Variants in HHIP observed in about 807,000 individuals in gnomAD.
HHIP encodes hedgehog interacting protein, also known as hedgehog-interacting protein.
Under a neutral mutation model 74.0 loss-of-function variants are expected in HHIP, and 12 were observed. The ratio of observed to expected loss-of-function variants is 0.16; its 90% CI spans 0.10 to 0.26. HHIP has a LOEUF of 0.26. HHIP is among the 10% of genes least tolerant of loss of function. HHIP has a pLI of 1.00. For missense variants in HHIP, 788 were observed against 845.0 expected (o/e 0.93, Z 0.84); for synonymous variants, 309 against 311.6 (o/e 0.99, Z 0.09).
intron 2 of HHIP, among the ~76,000 whole-genome samples, chr4:144,654,198 C>T (rs1578676145): frequency 6.6e-6 from 1 of 152,106 alleles, no homozygotes; most frequent in South Asian, 2.1e-4. Flanking sequence ...CTTCCAAAAA[C>T]AATAAAATAA....
intron 4 of HHIP, among the ~76,000 whole-genome samples, chr4:144,671,735 A>T (rs1255870073): frequency 2.6e-5 from 4 of 152,194 alleles, no homozygotes. Flanking sequence ...CTGTAATCCC[A>T]GCACTTTGGG....
chr4:144,697,042 T>A (rs1467553562), intron 4 of HHIP, among the ~76,000 whole-genome samples: 1 of 151,914 alleles, frequency 6.6e-6, no homozygotes, highest in African/African-American at 2.4e-5. Flanking sequence ...CAGTCTAGAA[T>A]TTTTTTTAAA....
chr4:144,697,854 A>C (rs1729863471), intron 4 of HHIP, among the ~76,000 whole-genome samples: 2 of 152,132 alleles, frequency 1.3e-5, no homozygotes, highest in Admixed American at 6.5e-5. Context: ...TAGAAATTCT[A>C]GAAAATAGCC....
chr4:144,734,237 A>T (rs55817790), intron 11 of HHIP, among the ~76,000 whole-genome samples: 79,825 of 149,610 alleles, frequency 0.53, 22,230 homozygotes, highest in South Asian at 0.76. Context: ...AAATAAAATT[A>T]AAAAAAAAAA....
rs888005992 is a variant in HHIP, at chr4:144,738,316, C to A, written c.*359C>A. The A allele has an allele frequency of 9.2e-6, 9 of 980,170 alleles. No individual in the cohort carries two copies. The African/African-American group carries it at 1.6e-4, about 17-fold the overall frequency. 60.7% of individuals were successfully genotyped at this position (980,170 alleles called of 1,614,324 possible). ...CCCAGGAATTTTCTGTCTGTAATCA[C>A]TAAAGTCAACTTTAATAGAGTTTTG... is the stretch of plus-strand genomic sequence containing the variant. On this transcript the variant is annotated 3_prime_UTR_variant, in exon 13 of 13. Coordinates refer to ENST00000296575, the MANE Select transcript of HHIP (RefSeq NM_022475.3).
intron 12 of HHIP, among the ~76,000 whole-genome samples, chr4:144,735,255 T>C (rs898834404): frequency 6.6e-6 from 1 of 152,204 alleles, no homozygotes; most frequent in Non-Finnish European, 1.5e-5. Context: ...CTCCAAGCGC[T>C]AGCATTTTCC....
intron 7 of HHIP, among the ~76,000 whole-genome samples, chr4:144,710,303 G>A (rs995464903): frequency 6.6e-6 from 1 of 152,180 alleles, no homozygotes; most frequent in Non-Finnish European, 1.5e-5. Context: ...TTAAGTCACA[G>A]CATGACTGTA....
intron 4 of HHIP, among the ~76,000 whole-genome samples, chr4:144,700,627 T>C (rs1246701395): frequency 1.3e-5 from 2 of 152,104 alleles, no homozygotes; most frequent in African/African-American, 4.8e-5. Flanking sequence ...CAATCCACCA[T>C]TGCTGGCTTT....
At chr4:144,700,465 A>C (rs1729943358) in intron 4 of HHIP, among the ~76,000 whole-genome samples, 1 of 152,194 alleles carries the variant, frequency 6.6e-6, no homozygotes, top group South Asian at 2.1e-4. Context: ...TATATGGCAA[A>C]GGGGAATTAA....
intron 4 of HHIP, among the ~76,000 whole-genome samples, chr4:144,695,249 AT>A (rs1257309033): frequency 1.3e-5 from 2 of 151,798 alleles, no homozygotes; most frequent in African/African-American, 4.8e-5. Context: ...CCAAACATAA[AT>A]AGTATTTCCT....
chr4:144,684,088 T>C (rs1729415563), intron 4 of HHIP, among the ~76,000 whole-genome samples: 1 of 150,246 alleles, frequency 6.7e-6, no homozygotes. Flanking sequence ...AAAGAAAGAA[T>C]TAGGCCAGTC....
chr4:144,720,670 T>A (rs1320745690), intron 11 of HHIP, among the ~76,000 whole-genome samples: 1 of 152,026 alleles, frequency 6.6e-6, no homozygotes, highest in Non-Finnish European at 1.5e-5. Flanking sequence ...TCATGTCATG[T>A]GGGGGGCCCG....
chr4:144,702,268 T>C (rs962411880), intron 4 of HHIP, among the ~76,000 whole-genome samples: 3 of 152,238 alleles, frequency 2.0e-5, no homozygotes, highest in Admixed American at 2.0e-4. Context: ...GGTTAGAACT[T>C]GGATCTGTTC....
At chr4:144,670,888 C>T (rs570360191) in intron 4 of HHIP, among the ~76,000 whole-genome samples, 2 of 151,778 alleles carry the variant, frequency 1.3e-5, no homozygotes, top group South Asian at 2.1e-4. Flanking sequence ...ATGAGGCTTC[C>T]GTAAGTGCAA....
intron 11 of HHIP, among the ~76,000 whole-genome samples, chr4:144,729,728 T>C (rs979930022): frequency 6.6e-6 from 1 of 152,204 alleles, no homozygotes; most frequent in African/African-American, 2.4e-5. Flanking sequence ...GTAACACAGC[T>C]CTTATGTTAC....
At chr4:144,659,021 CA>C in intron 3 of HHIP, 75 bp downstream of exon 3, 3 of 1,202,906 alleles carry the variant, frequency 2.5e-6, no homozygotes, top group South Asian at 3.0e-5. Context: ...GACAGTGAAT[CA>C]ACTGTCTGTG....
chr4:144,711,930 T>C lies in HHIP; in HGVS notation c.1302-20T>C. On this transcript the variant is annotated intron_variant, in intron 7 of 12. Coordinates refer to ENST00000296575, the MANE Select transcript of HHIP (RefSeq NM_022475.3). ...AAAGATCACGGTAGGAATTAATGTG[T>C]ATCCCCTCTTGTTATGCAGATGTGC... The C allele has an allele frequency of 6.2e-7, 1 of 1,609,014 alleles. No individual in the cohort carries two copies. Among genetic ancestry groups the C allele is most frequent in the Non-Finnish European group, 8.5e-7 (1 of 1,177,894 alleles).
chr4:144,687,542 C>T (rs183007835), intron 4 of HHIP, among the ~76,000 whole-genome samples: 173 of 152,210 alleles, frequency 1.1e-3, no homozygotes, highest in African/African-American at 4.1e-3. Context: ...ACTAGATGTG[C>T]TCATAGTGTA....
rs1731210499 is a variant in HHIP, at chr4:144,739,427, T to C, written c.*1470T>C. The C allele has an allele frequency of 6.6e-6, 1 of 152,266 alleles. No homozygotes were observed. The highest frequency in any genetic ancestry group is 2.1e-4 in the South Asian group (1 of 4,838). The allele number at this position is 152,266 out of a possible 1,614,324, so 9.4% of individuals were successfully genotyped here. A position where few individuals can be genotyped will look rare whatever the true frequency, so the allele number is the denominator to read the frequency against. ...CTAAATTGTAGAGCAGTATAGATTA[T>C]GCAGCGCCAGCTGACTTTCTAAACC... On this transcript the variant is annotated 3_prime_UTR_variant, in exon 13 of 13. Coordinates refer to ENST00000296575, the MANE Select transcript of HHIP (RefSeq NM_022475.3).
Sources: gnomAD v4.1 joint callset for allele counts (sites outside exome capture counted in the v4.1 genomes callset) on GRCh38, gnomAD v4.1.1 for gene constraint, MANE v1.5 for transcripts, NCBI Gene and HGNC (gene_info 2026-07-23, HGNC 2026-07-21) for gene names.